The following TPD52L1 variants were observed in gnomAD, a reference collection of about 807,000 sequenced individuals.
The protein encoded by TPD52L1 is TPD52 like 1, also known as tumor protein D53.
TPD52L1 carries 18 observed loss-of-function variants against 28.7 expected under a neutral mutation model. The ratio of observed to expected loss-of-function variants is 0.63; its 90% CI spans 0.43 to 0.93. TPD52L1 has a LOEUF of 0.93. Ranked by LOEUF, TPD52L1 falls within the 40% of genes least tolerant of loss-of-function variation. The probability of loss-of-function intolerance (pLI) is 0.00; values close to 1 mark genes in which losing one functional copy is unlikely to be tolerated. For missense variants in TPD52L1, 203 were observed against 254.8 expected (o/e 0.80, Z 1.39); for synonymous variants, 75 against 88.8 (o/e 0.84, Z 0.88).
In TPD52L1 at chr6:125,223,891, G is replaced by T. The variant is rs377429123; in HGVS notation, c.135+3698G>T. Among the ~76,000 whole-genome samples the T allele has an allele frequency of 4.6e-5, 7 of 152,038 alleles. No homozygotes were observed. The South Asian group carries it at 1.0e-3, about 23-fold the overall frequency. ...TAATTAATATTTATAATTAGCTTGA[G>T]TTATTTTATATTTTAAGCAAATATT... On this transcript the variant is annotated intron_variant, in intron 2 of 6. Coordinates refer to ENST00000534000, the MANE Select transcript of TPD52L1 (RefSeq NM_003287.4).
At chr6:125,212,786 G>A (rs1026607095) in intron 1 of TPD52L1, among the ~76,000 whole-genome samples, 1 of 152,234 alleles carries the variant, frequency 6.6e-6, no homozygotes, top group African/African-American at 2.4e-5. Context: ...CTCAGTTGGA[G>A]CTGGTTTAAT....
At chr6:125,169,481 C>T (rs1346035051) in intron 1 of TPD52L1, among the ~76,000 whole-genome samples, 1 of 152,180 alleles carries the variant, frequency 6.6e-6, no homozygotes, top group Non-Finnish European at 1.5e-5. Context: ...CCCTAGTCCT[C>T]CTAAGTTCAT....
chr6:125,243,697 G>A (rs1796755124), intron 3 of TPD52L1, among the ~76,000 whole-genome samples: 2 of 151,698 alleles, frequency 1.3e-5, no homozygotes, highest in Admixed American at 6.6e-5. Flanking sequence ...TTTTATTGAT[G>A]TCCTATATTT....
Position 125,168,833 on chromosome 6 carries a change from C to A in TPD52L1, c.19+14863C>A, listed in dbSNP as rs73571786. ...TATTTGTTCTTTTTATCCCTTCTCC[C>A]ATACTGAGGGAAAATAAATGTTTTG... is the stretch of plus-strand genomic sequence containing the variant. On this transcript the variant is annotated intron_variant, in intron 1 of 6. Coordinates refer to ENST00000534000, the MANE Select transcript of TPD52L1 (RefSeq NM_003287.4). Among the ~76,000 whole-genome samples the A allele has an allele frequency of 4.5e-3, 685 of 152,250 alleles. 1 individual carries two copies. The highest frequency in any genetic ancestry group is 0.014 in the African/African-American group (599 of 41,528).
intron 1 of TPD52L1, among the ~76,000 whole-genome samples, chr6:125,168,744 T>C (rs969821422): frequency 2.0e-5 from 3 of 152,046 alleles, no homozygotes; most frequent in Non-Finnish European, 4.4e-5. Context: ...TCTCGATCTC[T>C]TGACCTCATG....
rs183858992 is a variant in TPD52L1 at position 125,189,095 on chromosome 6, T to G, written c.20-30983T>G. ...AGAAGACTGGTCATCTTGGTATAAATAGAAGGCATCTCAGTTGATTTCAAC... is the reference window on the plus strand; with the variant it reads ...AGAAGACTGGTCATCTTGGTATAAAGAGAAGGCATCTCAGTTGATTTCAAC... On this transcript the variant is annotated intron_variant, in intron 1 of 6. Coordinates refer to ENST00000534000, the MANE Select transcript of TPD52L1 (RefSeq NM_003287.4). Among the ~76,000 whole-genome samples, 765 of 152,328 alleles carry G rather than the reference T, an allele frequency of 5.0e-3. 14 individuals are homozygous for G. Among genetic ancestry groups the G allele is most frequent in the Non-Finnish European group, 5.0e-3 (339 of 68,022 alleles).
chr6:125,213,070 G>A (rs1390184047), intron 1 of TPD52L1, among the ~76,000 whole-genome samples: 1 of 152,142 alleles, frequency 6.6e-6, no homozygotes. Context: ...TCCAATAGCA[G>A]GGTAGCAACA....
chr6:125,197,177 C>G (rs1309347916), intron 1 of TPD52L1, among the ~76,000 whole-genome samples: 1 of 152,216 alleles, frequency 6.6e-6, no homozygotes, highest in Admixed American at 6.5e-5. Flanking sequence ...GCTGTCCTTT[C>G]TCTTTGAATA....
At chr6:125,219,015 C>A (rs144322012) in intron 1 of TPD52L1, among the ~76,000 whole-genome samples, 1 of 152,216 alleles carries the variant, frequency 6.6e-6, no homozygotes, top group Non-Finnish European at 1.5e-5. Flanking sequence ...CTCCTACCCC[C>A]TAAAACCGGC....
intron 5 of TPD52L1, among the ~76,000 whole-genome samples, chr6:125,254,951 G>A (rs1797507759): frequency 6.6e-6 from 1 of 152,162 alleles, no homozygotes; most frequent in Admixed American, 6.5e-5. Flanking sequence ...GGTTGATTTG[G>A]AAATTCACCC....
chr6:125,172,552 A>ACTATATATATATACTATATATATACT, intron 1 of TPD52L1, among the ~76,000 whole-genome samples: 1 of 72,372 alleles, frequency 1.4e-5, no homozygotes, highest in East Asian at 7.0e-4. Flanking sequence ...ATATATATAT[A>ACTATATATATATACTATATATATACT]ATATATATAC....
At chr6:125,238,404 A>G (rs1796407172) in intron 3 of TPD52L1, among the ~76,000 whole-genome samples, 1 of 152,166 alleles carries the variant, frequency 6.6e-6, no homozygotes, top group Non-Finnish European at 1.5e-5. Context: ...GCTTTTGGTT[A>G]CATGGATAAG....
intron 1 of TPD52L1, among the ~76,000 whole-genome samples, chr6:125,178,463 A>G (rs1287716466): frequency 6.6e-6 from 1 of 152,042 alleles, no homozygotes. Flanking sequence ...TCTACTAAAA[A>G]TACAAAACTT....
chr6:125,194,043 T>TTTTTTC lies in TPD52L1; in HGVS notation c.20-26035_20-26034insTTTTTC, dbSNP rs1491233428. ...GAATAGTTTTTTTTTTTTTTTTTTT[T>TTTTTTC]CTAAAAAAACAAAAGGCTGATAAAA... On this transcript the variant is annotated intron_variant, in intron 1 of 6. Coordinates refer to ENST00000534000, the MANE Select transcript of TPD52L1 (RefSeq NM_003287.4). 3.6e-5 allele frequency among the ~76,000 whole-genome samples: 4 copies of TTTTTTC among 110,638 alleles called. No individual in the cohort carries two copies. In the South Asian group the frequency reaches 1.1e-3, roughly 31 times the overall value. 72.6% of individuals were successfully genotyped at this position (110,638 alleles called of 152,430 possible). A position where few individuals can be genotyped will look rare whatever the true frequency, so the allele number is the denominator to read the frequency against.
intron 1 of TPD52L1, among the ~76,000 whole-genome samples, chr6:125,206,536 T>C (rs73577766): frequency 0.013 from 2,002 of 152,264 alleles, 8 homozygotes; most frequent in African/African-American, 0.019. Context: ...CAGATGGCAC[T>C]AAAAGCTAGG....
intron 1 of TPD52L1, among the ~76,000 whole-genome samples, chr6:125,174,547 A>C (rs539772804): frequency 1.3e-3 from 195 of 152,350 alleles, no homozygotes; most frequent in African/African-American, 4.4e-3. Flanking sequence ...CTAATGAGAC[A>C]ATAAATGTTT....
intron 1 of TPD52L1, among the ~76,000 whole-genome samples, chr6:125,213,303 T>G (rs987824425): frequency 1.3e-4 from 20 of 152,192 alleles, no homozygotes; most frequent in African/African-American, 4.8e-4. Flanking sequence ...TTTTCCTGTG[T>G]CCTAGCTAGG....
At chr6:125,223,963 C>G (rs1379623804) in intron 2 of TPD52L1, among the ~76,000 whole-genome samples, 1 of 151,714 alleles carries the variant, frequency 6.6e-6, no homozygotes, top group Non-Finnish European at 1.5e-5. Context: ...TTTTTACAAA[C>G]CTTGTCAGTA....
chr6:125,172,099 CCTTTCTTTCTTTCTTTCTTT>C lies in TPD52L1; in HGVS notation c.19+18170_19+18189del, dbSNP rs549747240. On this transcript the variant is annotated intron_variant, in intron 1 of 6. Transcript: ENST00000534000. The stretch of plus-strand genomic sequence containing the variant: ...TTCTTTCTCTTTCTTTCTTTCTTTC[CCTTTCTTTCTTTCTTTCTTT>C]CTTTCTTTCTTTCTTTCTTTCTTTC... Among the ~76,000 whole-genome samples, 666 of 76,038 alleles carry C rather than the reference CCTTTCTTTCTTTCTTTCTTT, an allele frequency of 8.8e-3. 17 individuals carry two copies. Among genetic ancestry groups the C allele is most frequent in the African/African-American group, 0.028 (556 of 19,582 alleles). 49.9% of individuals were successfully genotyped at this position (76,038 alleles called of 152,430 possible).
Sources: allele counts gnomAD v4.1 joint callset (sites outside exome capture counted in the v4.1 genomes callset), GRCh38; gene constraint gnomAD v4.1.1; transcripts MANE v1.5; gene names NCBI Gene and HGNC (gene_info 2026-07-23, HGNC 2026-07-21).